The following RNASET2 variants were observed in gnomAD, a reference collection of about 807,000 sequenced individuals.
RNASET2 encodes the protein ribonuclease T2, also known as ribonuclease 6.
In RNASET2, 28 loss-of-function variants were observed where a neutral mutation model predicts 33.9. The observed-to-expected ratio is 0.83, with a 90% confidence interval of 0.61 to 1.13. The LOEUF is 1.13. Among genes scored for constraint, RNASET2 ranks in the 50% most tolerant of loss-of-function variants. The pLI is 0.00. For synonymous variants in RNASET2, 123 were observed against 121.0 expected (o/e 1.02, Z -0.11); for missense variants, 330 against 319.9 (o/e 1.03, Z -0.24).
intron 5 of RNASET2, among the ~76,000 whole-genome samples, chr6:166,941,422 C>T (rs1778689071): frequency 6.6e-6 from 1 of 152,216 alleles, no homozygotes; most frequent in African/African-American, 2.4e-5. Context: ...TTACCATAAA[C>T]TCATCATCTG....
intron 5 of RNASET2, among the ~76,000 whole-genome samples, chr6:166,940,290 A>G (rs888615327): frequency 2.6e-5 from 4 of 152,248 alleles, no homozygotes; most frequent in Non-Finnish European, 5.9e-5. Flanking sequence ...TCTTAAAAAC[A>G]CAATCTAAAT....
In RNASET2 at chr6:166,955,395, GCGCACA is replaced by G. The variant is rs1301393696; in HGVS notation, c.86+696_86+701del. 1.5e-5 allele frequency: 4 copies of G among 262,106 alleles called. No homozygotes were observed. The African/African-American group carries it at 5.1e-4, about 34-fold the overall frequency. The allele number at this position is 262,106 out of a possible 1,614,324, so 16.2% of individuals were successfully genotyped here. ...CAAACGCACACGCACACACACACAC[GCGCACA>G]CACACACGCGCACACACACACACAC... is the stretch of plus-strand genomic sequence containing the variant. On this transcript the variant is annotated intron_variant, in intron 1 of 8. Coordinates refer to ENST00000508775, the MANE Select transcript of RNASET2 (RefSeq NM_003730.6).
chr6:166,936,245 T>C (rs1288975094), intron 6 of RNASET2, among the ~76,000 whole-genome samples: 1 of 152,156 alleles, frequency 6.6e-6, no homozygotes, highest in Non-Finnish European at 1.5e-5. Context: ...AATGAATGAA[T>C]GAATGAATGG....
chr6:166,942,885 G>A (rs1778724791), intron 5 of RNASET2, 134 bp downstream of exon 5: 1 of 735,418 alleles, frequency 1.4e-6, no homozygotes, highest in Non-Finnish European at 2.4e-6. Context: ...ATAAAAGGTT[G>A]TTCAAACTGC....
intron 5 of RNASET2, among the ~76,000 whole-genome samples, chr6:166,940,754 A>C (rs1156749034): frequency 6.6e-6 from 1 of 151,620 alleles, no homozygotes; most frequent in Non-Finnish European, 1.5e-5. Context: ...TTTTTTTTTA[A>C]GCATCAGAAC....
intron 6 of RNASET2, among the ~76,000 whole-genome samples, chr6:166,937,891 G>A (rs1330360480): frequency 6.6e-6 from 1 of 152,144 alleles, no homozygotes; most frequent in African/African-American, 2.4e-5. Context: ...ATCAGTGCCT[G>A]AGCTCTATCC....
At chr6:166,930,751 T>C (rs1003289876) in intron 8 of RNASET2, among the ~76,000 whole-genome samples, 2 of 140,362 alleles carry the variant, frequency 1.4e-5, no homozygotes, top group Non-Finnish European at 3.0e-5. Flanking sequence ...TGTACACACA[T>C]GCACACACAG....
Position 166,931,118 on chromosome 6 carries a change from C to T in RNASET2, c.493G>A (p.Val165Ile), listed in dbSNP as rs1244167002. The T allele has an allele frequency of 1.9e-6, 3 of 1,593,096 alleles. No homozygotes were observed. Among genetic ancestry groups the T allele is most frequent in the South Asian group, 1.1e-5 (1 of 90,692 alleles). ...GIKPSINYYQ[V>I]ADFKDALARV... ...GCAAGGGCATCTTTAAAATCTGCAA[C>T]CTGATTTTAAATACAAGTGTATTAG... is the stretch of plus-strand genomic sequence containing the variant. Residue 165 changes from valine (V) to isoleucine (I), a missense_variant and splice_region_variant, in exon 8 of 9, where the codon GTT becomes ATT. Transcript: ENST00000508775.
rs1411998113 is a variant in RNASET2, at chr6:166,933,865, G to A, written c.492+226C>T. 1.2e-5 allele frequency: 7 copies of A among 588,804 alleles called. No individual in the cohort carries two copies. Among genetic ancestry groups the A allele is most frequent in the Non-Finnish European group, 1.8e-5 (6 of 330,842 alleles). 36.5% of individuals were successfully genotyped at this position (588,804 alleles called of 1,614,324 possible). ...GGAGCACACACTTCTCACAAAGGGA[G>A]CCATGAAATCTGTGCTTCCAAATCA... On this transcript the variant is annotated intron_variant, in intron 7 of 8. Transcript: ENST00000508775. This position sits in a 1 kb window ranked among gnomAD's most constrained non-coding sequence, Gnocchi z 4.1.
At position 166,956,506 on chromosome 6, in the gene RNASET2, G is replaced by C. The variant is rs1779170523; in HGVS notation, c.-324C>G. ...CCCACAGCGACCCCAGCTCCTCCAC[G>C]CTGCAGCCGCCGTCCGCCCACGACC... On this transcript the variant is annotated 5_prime_UTR_variant, in exon 1 of 9. Coordinates refer to ENST00000508775, the MANE Select transcript of RNASET2 (RefSeq NM_003730.6). The C allele has an allele frequency of 1.0e-5, 4 of 389,398 alleles. No homozygotes were observed. Among genetic ancestry groups the C allele is most frequent in the South Asian group, 5.2e-5 (2 of 38,176 alleles). 24.1% of individuals were successfully genotyped at this position (389,398 alleles called of 1,614,324 possible).
chr6:166,931,336 C>T (rs531476097), intron 7 of RNASET2: 20 of 588,344 alleles, frequency 3.4e-5, no homozygotes, highest in South Asian at 1.6e-4. Context: ...CCGCTCGCTG[C>T]GGCTCTGTTT....
In RNASET2 at chr6:166,925,926, T is replaced by C. The variant is rs963564800; in HGVS notation, c.*3662A>G. On this transcript the variant is annotated 3_prime_UTR_variant, in exon 9 of 9. Coordinates refer to ENST00000508775, the MANE Select transcript of RNASET2 (RefSeq NM_003730.6). ...AACAGGGCAGGAGGGATTGAGGGAA[T>C]GTCCCTGAGCCGCCATACTGGGGAG... 6.6e-6 allele frequency among the ~76,000 whole-genome samples: 1 copy of C among 152,084 alleles called. No homozygotes were observed. The highest frequency in any genetic ancestry group is 2.4e-5 in the African/African-American group (1 of 41,406).
chr6:166,950,185 A>C (rs1778949032), intron 2 of RNASET2, among the ~76,000 whole-genome samples: 1 of 152,122 alleles, frequency 6.6e-6, no homozygotes, highest in African/African-American at 2.4e-5. Context: ...GGTCAAAGAC[A>C]GTGCTTAAGT....
chr6:166,951,271 G>A (rs2757038), intron 2 of RNASET2, among the ~76,000 whole-genome samples: 395 of 152,372 alleles, frequency 2.6e-3, no homozygotes, highest in Non-Finnish European at 3.8e-3. Context: ...AGAAGGCAGA[G>A]CCAGGTGTAC....
rs1022231812 is a variant in RNASET2, at chr6:166,924,099, CT to C, written c.*5488del. ...TCCACTGGGACCAGTGCTGCATTCTCTTTTTTTCTTTTTTTGAAACGGAGTC... is the reference window on the plus strand; with the variant it reads ...TCCACTGGGACCAGTGCTGCATTCTCTTTTTTCTTTTTTTGAAACGGAGTC... On this transcript the variant is annotated 3_prime_UTR_variant, in exon 9 of 9. Coordinates refer to ENST00000508775, the MANE Select transcript of RNASET2 (RefSeq NM_003730.6). 5.9e-5 allele frequency among the ~76,000 whole-genome samples: 9 copies of C among 152,250 alleles called. No individual in the cohort carries two copies. Among genetic ancestry groups the C allele is most frequent in the African/African-American group, 2.2e-4 (9 of 41,542 alleles).
At position 166,956,432 on chromosome 6, in the gene RNASET2, C is replaced by T. The variant is rs550051895; in HGVS notation, c.-250G>A. On this transcript the variant is annotated 5_prime_UTR_variant, in exon 1 of 9. Transcript: ENST00000508775. The stretch of plus-strand genomic sequence containing the variant: ...GGCGACCCGGGCCCCTCGGAGCTCC[C>T]CTTCAGGATCGTGCACCAAGCGCGC... The T allele has an allele frequency of 5.4e-6, 3 of 550,582 alleles. No homozygotes were observed. The highest frequency in any genetic ancestry group is 4.1e-5 in the South Asian group (2 of 48,288). 34.1% of individuals were successfully genotyped at this position (550,582 alleles called of 1,614,324 possible).
rs1778495253 is a variant in RNASET2 at position 166,933,468 on chromosome 6, T to C, written c.492+623A>G. 1 of 152,690 alleles carries C rather than the reference T, an allele frequency of 6.5e-6. No homozygotes were observed. Among genetic ancestry groups the C allele is most frequent in the African/African-American group, 2.4e-5 (1 of 41,432 alleles). The allele number at this position is 152,690 out of a possible 1,614,324, so 9.5% of individuals were successfully genotyped here. A position where few individuals can be genotyped will look rare whatever the true frequency, so the allele number is the denominator to read the frequency against. On this transcript the variant is annotated intron_variant, in intron 7 of 8. Transcript: ENST00000508775. This position sits in a 1 kb window ranked among gnomAD's most constrained non-coding sequence, Gnocchi z 4.1. ...AAATTCCTGGGCGCAGGCAATCCTC[T>C]GACCTTAGCTTCCTGAATAGCTGAG...
At chr6:166,949,599 G>C (rs1466190731) in intron 2 of RNASET2, among the ~76,000 whole-genome samples, 3 of 151,570 alleles carry the variant, frequency 2.0e-5, no homozygotes, top group African/African-American at 7.3e-5. Flanking sequence ...AGAAAAATCA[G>C]TTGAGGAAGT....
rs1481684977 is a variant in RNASET2, at chr6:166,955,276, CACACG to C, written c.86+816_86+820del. Among the ~76,000 whole-genome samples, 146 of 82,094 alleles carry C rather than the reference CACACG, an allele frequency of 1.8e-3. 2 individuals carry two copies. Among genetic ancestry groups the C allele is most frequent in the South Asian group, 5.6e-3 (10 of 1,788 alleles). 53.9% of individuals were successfully genotyped at this position (82,094 alleles called of 152,430 possible). Reference sequence around the variant, plus strand: ...ACACACGCACACACACACACGCGCACACACGACACACACGCACAGACGCGCACACA... The same window carrying C: ...ACACACGCACACACACACACGCGCACACACACACGCACAGACGCGCACACA... On this transcript the variant is annotated intron_variant, in intron 1 of 8. Coordinates refer to ENST00000508775, the MANE Select transcript of RNASET2 (RefSeq NM_003730.6).
Sources: gnomAD v4.1 joint callset for allele counts (sites outside exome capture counted in the v4.1 genomes callset) on GRCh38, gnomAD v4.1.1 for gene constraint, Gnocchi (gnomAD v3.1) non-coding constraint, MANE v1.5 for transcripts, NCBI Gene and HGNC (gene_info 2026-07-23, HGNC 2026-07-21) for gene names.